The following AGAP1 variants were observed in gnomAD, a reference collection of about 807,000 sequenced individuals.
The protein encoded by AGAP1 is ArfGAP with GTPase domain, ankyrin repeat and PH domain 1.
Under a neutral mutation model 105.3 loss-of-function variants are expected in AGAP1, and 29 were observed. That is an observed-to-expected ratio of 0.28 (90% CI 0.21 to 0.38). AGAP1 has a LOEUF of 0.38. AGAP1 is among the 10% of genes least tolerant of loss of function. The probability of loss-of-function intolerance (pLI) is 1.00; values close to 1 mark genes in which losing one functional copy is unlikely to be tolerated. For synonymous variants in AGAP1, 509 were observed against 485.9 expected (o/e 1.05, Z -0.63); for missense variants, 998 against 1,165.1 (o/e 0.86, Z 2.09).
At chr2:235,673,468 A>T (rs1179400488) in intron 1 of AGAP1, among the ~76,000 whole-genome samples, 1 of 152,218 alleles carries the variant, frequency 6.6e-6, no homozygotes, top group East Asian at 1.9e-4. Context: ...TGTGTGTTAT[A>T]TAGAACGCTG....
chr2:235,917,304 A>G (rs895647289), intron 11 of AGAP1, among the ~76,000 whole-genome samples: 2 of 152,156 alleles, frequency 1.3e-5, no homozygotes. Context: ...GTTGACATCT[A>G]AAGTCTCAAC....
intron 13 of AGAP1, among the ~76,000 whole-genome samples, chr2:235,984,972 A>G (rs2055250972): frequency 6.6e-6 from 1 of 152,106 alleles, no homozygotes; most frequent in South Asian, 2.1e-4. Flanking sequence ...ATACCTAGTA[A>G]TAGGATTGCT....
chr2:235,810,713 C>A (rs944156936), intron 9 of AGAP1, among the ~76,000 whole-genome samples: 2 of 152,146 alleles, frequency 1.3e-5, no homozygotes, highest in South Asian at 4.1e-4. Context: ...TTAAAGATTC[C>A]CCATCAAGAA....
rs185279183 is a variant in AGAP1 at position 236,073,141 on chromosome 2, G to A, written c.2114+23860G>A. ...CCCCCGAGTAGCTGGGATTACAGGC[G>A]CACGCCACCACGCCTGGCTAATTTT... On this transcript the variant is annotated intron_variant, in intron 16 of 17. Coordinates refer to ENST00000304032, the MANE Select transcript of AGAP1 (RefSeq NM_001037131.3). The surrounding 1 kb of genome is among the most constrained non-coding windows in gnomAD (Gnocchi z 5.4). 5.3e-5 allele frequency among the ~76,000 whole-genome samples: 8 copies of A among 152,076 alleles called. No individual in the cohort carries two copies. The highest frequency in any genetic ancestry group is 1.3e-4 in the Admixed American group (2 of 15,266).
intron 1 of AGAP1, among the ~76,000 whole-genome samples, chr2:235,543,204 A>C (rs1258167142): frequency 6.8e-6 from 1 of 148,144 alleles, no homozygotes; most frequent in Non-Finnish European, 1.5e-5. Context: ...TGCAGGCAGT[A>C]GTCATATCAT....
intron 1 of AGAP1, among the ~76,000 whole-genome samples, chr2:235,606,864 G>A (rs1389511041): frequency 2.7e-5 from 4 of 149,406 alleles, no homozygotes; most frequent in Non-Finnish European, 4.4e-5. Context: ...CAGGGGGATC[G>A]CTTGAGGCGG....
chr2:235,534,563 G>A (rs148888835), intron 1 of AGAP1, among the ~76,000 whole-genome samples: 2 of 152,250 alleles, frequency 1.3e-5, no homozygotes, highest in African/African-American at 4.8e-5. Context: ...CAGCCTCAAG[G>A]TCATTTACCT....
intron 11 of AGAP1, among the ~76,000 whole-genome samples, chr2:235,923,087 C>T (rs148321498): frequency 1.6e-3 from 250 of 152,178 alleles, no homozygotes; most frequent in Non-Finnish European, 3.1e-3. Context: ...CCAGCTGATC[C>T]GTAGATGGGG....
At chr2:236,041,847 G>A (rs528053040) in intron 15 of AGAP1, among the ~76,000 whole-genome samples, 3 of 152,288 alleles carry the variant, frequency 2.0e-5, no homozygotes, top group South Asian at 4.1e-4. Flanking sequence ...GGCATGCGGC[G>A]GTCTTGCCAC....
intron 9 of AGAP1, among the ~76,000 whole-genome samples, chr2:235,870,701 C>G (rs1202608885): frequency 1.3e-5 from 2 of 152,138 alleles, no homozygotes; most frequent in Non-Finnish European, 2.9e-5. Flanking sequence ...TGAAATCCAG[C>G]CAGCACATGA....
chr2:235,585,986 G>C (rs1287512235), intron 1 of AGAP1, among the ~76,000 whole-genome samples: 4 of 152,166 alleles, frequency 2.6e-5, no homozygotes, highest in African/African-American at 9.7e-5. Flanking sequence ...CAGGGTTGCA[G>C]CTGCCACTGA....
intron 9 of AGAP1, among the ~76,000 whole-genome samples, chr2:235,821,783 C>T (rs1226404389): frequency 6.6e-6 from 1 of 152,164 alleles, no homozygotes; most frequent in Non-Finnish European, 1.5e-5. Context: ...TCCAGGATCC[C>T]TCCTTTCACT....
At chr2:235,505,743 A>G (rs991439216) in intron 1 of AGAP1, 1 of 151,836 alleles carries the variant, frequency 6.6e-6, no homozygotes, top group African/African-American at 2.4e-5. Flanking sequence ...TTTCCAGGCT[A>G]GTGGGTACTA....
In AGAP1 at chr2:235,552,532, C is replaced by G. The variant is rs1943846393; in HGVS notation, c.163+57683C>G. 6.6e-6 allele frequency among the ~76,000 whole-genome samples: 1 copy of G among 152,156 alleles called. No homozygotes were observed. On this transcript the variant is annotated intron_variant, in intron 1 of 17. Coordinates refer to ENST00000304032, the MANE Select transcript of AGAP1 (RefSeq NM_001037131.3). The surrounding 1 kb of genome is among the most constrained non-coding windows in gnomAD (Gnocchi z 5.9). Reference sequence around the variant, plus strand: ...TTTTCTGCTACTCCTTCATTCACACCTGGATTCAGTTGCCCTCATGAGCTC... The same window carrying G: ...TTTTCTGCTACTCCTTCATTCACACGTGGATTCAGTTGCCCTCATGAGCTC...
chr2:235,778,226 T>C (rs1559475332), intron 6 of AGAP1, among the ~76,000 whole-genome samples: 1 of 152,196 alleles, frequency 6.6e-6, no homozygotes, highest in Non-Finnish European at 1.5e-5. Context: ...TTCATGTACC[T>C]TGTACGACCC....
intron 10 of AGAP1, among the ~76,000 whole-genome samples, chr2:235,903,551 G>C (rs930666793): frequency 6.6e-6 from 1 of 152,220 alleles, no homozygotes; most frequent in East Asian, 1.9e-4. Flanking sequence ...ATATAGTAAG[G>C]GTATTTTTAG....
rs1405408328 is a variant in AGAP1 at position 235,566,828 on chromosome 2, A to G, written c.163+71979A>G. ...CAAACTAGGTGGCTTAAAACAACAG[A>G]ACATCATTCTTTTACAGTTCTGGAG... is the stretch of plus-strand genomic sequence containing the variant. On this transcript the variant is annotated intron_variant, in intron 1 of 17. Coordinates refer to ENST00000304032, the MANE Select transcript of AGAP1 (RefSeq NM_001037131.3). This position sits in a 1 kb window ranked among gnomAD's most constrained non-coding sequence, Gnocchi z 5.2. Among the ~76,000 whole-genome samples the G allele has an allele frequency of 1.3e-5, 2 of 152,206 alleles. No individual in the cohort carries two copies. Among genetic ancestry groups the G allele is most frequent in the Non-Finnish European group, 2.9e-5 (2 of 68,044 alleles).
At chr2:235,856,489 C>T (rs1392338874) in intron 9 of AGAP1, among the ~76,000 whole-genome samples, 1 of 152,234 alleles carries the variant, frequency 6.6e-6, no homozygotes, top group African/African-American at 2.4e-5. Context: ...TGTGCTTAAA[C>T]TTGGGCCCTT....
At position 236,049,657 on chromosome 2, in the gene AGAP1, C is replaced by T. The variant is rs145353343; in HGVS notation, c.2114+376C>T. On this transcript the variant is annotated intron_variant, in intron 16 of 17. Coordinates refer to ENST00000304032, the MANE Select transcript of AGAP1 (RefSeq NM_001037131.3). ...TTGTTATTCTTATAGCTTGGATAAG[C>T]ATCTGCTCTGTCGATCCCCCCCCCG... 476 of 161,104 alleles carry T rather than the reference C, an allele frequency of 3.0e-3. 2 individuals are homozygous for T. The highest frequency in any genetic ancestry group is 0.011 in the African/African-American group (452 of 41,560). The allele number at this position is 161,104 out of a possible 1,614,324, so 10.0% of individuals were successfully genotyped here.
Sources: allele counts gnomAD v4.1 joint callset (sites outside exome capture counted in the v4.1 genomes callset), GRCh38; gene constraint gnomAD v4.1.1; non-coding constraint Gnocchi (gnomAD v3.1); transcripts MANE v1.5; gene names NCBI Gene and HGNC (gene_info 2026-07-23, HGNC 2026-07-21).